Variants in PIK3C2G observed in about 807,000 individuals in gnomAD.
PIK3C2G encodes the protein phosphatidylinositol-4-phosphate 3-kinase catalytic subunit type 2 gamma, also known as phosphatidylinositol 3-kinase C2 domain-containing subunit gamma.
PIK3C2G carries 168 observed loss-of-function variants against 181.1 expected under a neutral mutation model. The observed-to-expected ratio is 0.93, with a 90% CI of 0.82 to 1.05. The LOEUF (loss-of-function observed/expected upper bound fraction) is 1.05, where lower values mean the gene tolerates loss of function less well. PIK3C2G is among the 50% of genes least tolerant of loss of function. PIK3C2G has a pLI of 0.00. For synonymous variants in PIK3C2G, 573 were observed against 592.2 expected (o/e 0.97, Z 0.47); for missense variants, 1,869 against 1,732.8 (o/e 1.08, Z -1.40).
chr12:18,546,296 G>T (rs1361442292), intron 25 of PIK3C2G, 27 bp from the exon 26 acceptor site: 4 of 1,279,156 alleles, frequency 3.1e-6, no homozygotes, highest in Admixed American at 1.9e-5. Flanking sequence ...TCTTCTTTTT[G>T]CTTTGCTTGT....
intron 16 of PIK3C2G, among the ~76,000 whole-genome samples, chr12:18,408,793 A>G (rs567691126): frequency 6.6e-6 from 1 of 152,334 alleles, no homozygotes; most frequent in Non-Finnish European, 1.5e-5. Flanking sequence ...AAACATATGA[A>G]AAAAAGCTTA....
At chr12:18,580,087 C>T (rs1193665766) in intron 29 of PIK3C2G, among the ~76,000 whole-genome samples, 9 of 149,994 alleles carry the variant, frequency 6.0e-5, no homozygotes, top group East Asian at 5.9e-4. Context: ...GAGCCGAGTT[C>T]GCACCACTGC....
intron 1 of PIK3C2G, among the ~76,000 whole-genome samples, chr12:18,250,344 G>A (rs17407766): frequency 0.42 from 64,163 of 151,692 alleles, 14,183 homozygotes; most frequent in East Asian, 0.75. Context: ...TGAATTTGCC[G>A]TACATTATTG....
At chr12:18,522,629 G>A (rs1592484252) in intron 24 of PIK3C2G, among the ~76,000 whole-genome samples, 2 of 151,680 alleles carry the variant, frequency 1.3e-5, no homozygotes, top group African/African-American at 2.4e-5. Context: ...TCCATTGAAT[G>A]TGATATCTTC....
chr12:18,365,392 C>A lies in PIK3C2G; in HGVS notation c.1748+2506C>A, dbSNP rs57542989. 6.8e-4 allele frequency among the ~76,000 whole-genome samples: 103 copies of A among 152,150 alleles called. 1 individual carries two copies. Among genetic ancestry groups the A allele is most frequent in the African/African-American group, 2.4e-3 (100 of 41,490 alleles). ...ATCTATATTCACTTTATTCAGTTAT[C>A]TTTTCTCTGCTCTATAACATACTCC... On this transcript the variant is annotated intron_variant, in intron 12 of 32. Coordinates refer to ENST00000538779, the MANE Select transcript of PIK3C2G (RefSeq NM_001288772.2).
At chr12:18,511,263 T>C (rs1037707604) in intron 24 of PIK3C2G, among the ~76,000 whole-genome samples, 4 of 152,176 alleles carry the variant, frequency 2.6e-5, no homozygotes, top group Non-Finnish European at 5.9e-5. Context: ...ATCTTGGCTA[T>C]TGTGAACAAT....
chr12:18,390,464 T>A (rs913575513), intron 14 of PIK3C2G, among the ~76,000 whole-genome samples: 4 of 152,152 alleles, frequency 2.6e-5, no homozygotes, highest in African/African-American at 9.7e-5. Context: ...TATTTACTAA[T>A]CAGATTCTGA....
intron 5 of PIK3C2G, among the ~76,000 whole-genome samples, chr12:18,306,267 G>A (rs1260394104): frequency 6.6e-6 from 1 of 151,914 alleles, no homozygotes; most frequent in Non-Finnish European, 1.5e-5. Context: ...TCCCTCTTGA[G>A]TATTAGCTGT....
chr12:18,544,444 C>T (rs1240431123), intron 25 of PIK3C2G, among the ~76,000 whole-genome samples: 1 of 151,450 alleles, frequency 6.6e-6, no homozygotes, highest in Admixed American at 6.6e-5. Context: ...GATTGGAGAA[C>T]AAGATAAAAG....
chr12:18,717,931 T>C, the PIK3C2G span, among the ~76,000 whole-genome samples: 1 of 152,152 alleles, frequency 6.6e-6, no homozygotes, highest in Non-Finnish European at 1.5e-5. Flanking sequence ...CAATATGCTG[T>C]ATGAGATACT....
intron 29 of PIK3C2G, among the ~76,000 whole-genome samples, chr12:18,573,582 T>A (rs1946083109): frequency 2.6e-5 from 4 of 152,192 alleles, no homozygotes. Context: ...TAATTTTTCA[T>A]TATCTTGTTG....
intron 29 of PIK3C2G, among the ~76,000 whole-genome samples, chr12:18,589,377 A>G (rs1365733186): frequency 6.6e-6 from 1 of 152,044 alleles, no homozygotes; most frequent in African/African-American, 2.4e-5. Context: ...GAAAGCAGAA[A>G]GCAATCCTTG....
At chr12:18,513,258 T>C (rs1942327122) in intron 24 of PIK3C2G, among the ~76,000 whole-genome samples, 1 of 151,888 alleles carries the variant, frequency 6.6e-6, no homozygotes, top group Non-Finnish European at 1.5e-5. Flanking sequence ...TGTAATTTTC[T>C]TTTCTTGTAG....
downstream of PIK3C2G, among the ~76,000 whole-genome samples, chr12:18,650,741 T>G (rs1950470579): frequency 5.3e-5 from 2 of 37,764 alleles, no homozygotes; most frequent in Non-Finnish European, 8.9e-5. Context: ...TATATATATA[T>G]ATATATATAT....
intron 24 of PIK3C2G, among the ~76,000 whole-genome samples, chr12:18,527,880 A>G (rs146923784): frequency 0.012 from 1,827 of 152,234 alleles, 31 homozygotes; most frequent in African/African-American, 0.042. Flanking sequence ...GTTAGTAACT[A>G]AAGTTATTAA....
In PIK3C2G at chr12:18,474,360, C is replaced by T. The variant is rs567655716; in HGVS notation, c.2505-14089C>T. Among the ~76,000 whole-genome samples the T allele has an allele frequency of 2.0e-5, 3 of 152,154 alleles. No homozygotes were observed. The South Asian group carries it at 6.2e-4, about 32-fold the overall frequency. ...ACTAGAATTTTTTAATTGACACAGG[C>T]ATTGCCAGTCCAAGAAACAGAAACG... is the stretch of plus-strand genomic sequence containing the variant. On this transcript the variant is annotated intron_variant, in intron 18 of 32. Transcript: ENST00000538779.
chr12:18,305,915 C>T (rs1950401283), intron 5 of PIK3C2G, among the ~76,000 whole-genome samples: 1 of 151,488 alleles, frequency 6.6e-6, no homozygotes, highest in South Asian at 2.1e-4. Flanking sequence ...AAGAAAGTTA[C>T]AGTTTCACCA....
At chr12:18,484,681 T>C (rs1203612365) in intron 18 of PIK3C2G, among the ~76,000 whole-genome samples, 2 of 152,184 alleles carry the variant, frequency 1.3e-5, no homozygotes, top group Non-Finnish European at 2.9e-5. Context: ...TTTGCAAGGA[T>C]TGTATAACGT....
intron 13 of PIK3C2G, among the ~76,000 whole-genome samples, chr12:18,376,870 T>C (rs1043371344): frequency 6.6e-6 from 1 of 152,196 alleles, no homozygotes. Context: ...TCCACCATGA[T>C]TGGAAGCTTC....
Sources: gnomAD v4.1 joint callset for allele counts (sites outside exome capture counted in the v4.1 genomes callset) on GRCh38, gnomAD v4.1.1 for gene constraint, MANE v1.5 for transcripts, NCBI Gene and HGNC (gene_info 2026-07-23, HGNC 2026-07-21) for gene names.